The following UNC5C variants were observed in gnomAD, a reference collection of about 807,000 sequenced individuals.
The protein encoded by UNC5C is netrin receptor UNC5C.
UNC5C carries 47 observed loss-of-function variants against 99.8 expected under a neutral mutation model. The ratio of observed to expected loss-of-function variants is 0.47; its 90% CI spans 0.37 to 0.60. UNC5C has a LOEUF of 0.60. UNC5C is among the 20% of genes least tolerant of loss of function. The pLI is 0.00. For synonymous variants in UNC5C, 487 were observed against 452.2 expected (o/e 1.08, Z -0.98); for missense variants, 1,062 against 1,165.9 (o/e 0.91, Z 1.30).
intron 5 of UNC5C, 66 bp from the exon 6 acceptor site, chr4:95,245,210 C>T: frequency 6.9e-7 from 1 of 1,454,032 alleles, no homozygotes; most frequent in Non-Finnish European, 9.2e-7. Flanking sequence ...CATGGACACA[C>T]AAAACAGACA....
chr4:95,543,695 T>A (rs1231456472), intron 1 of UNC5C, among the ~76,000 whole-genome samples: 1 of 152,218 alleles, frequency 6.6e-6, no homozygotes, highest in Non-Finnish European at 1.5e-5. Flanking sequence ...TGTAATAGTG[T>A]TCATGGATTT....
chr4:95,241,368 A>T (rs151103831), intron 7 of UNC5C, among the ~76,000 whole-genome samples: 4 of 152,228 alleles, frequency 2.6e-5, no homozygotes, highest in Admixed American at 2.0e-4. Context: ...TGTGAGCAAC[A>T]TAATTGTTTA....
At chr4:95,170,093 G>A (rs1736027924) in intron 15 of UNC5C, 61 bp downstream of exon 15, 3 of 1,560,112 alleles carry the variant, frequency 1.9e-6, no homozygotes, top group Non-Finnish European at 2.6e-6. Flanking sequence ...ACGTCTAATA[G>A]TTATCGGTCC....
chr4:95,168,133 A>T lies in UNC5C; in HGVS notation c.*1101T>A, dbSNP rs1330457839. The T allele has an allele frequency of 6.6e-6, 1 of 152,248 alleles. No homozygotes were observed. The highest frequency in any genetic ancestry group is 1.5e-5 in the Non-Finnish European group (1 of 68,058). The allele number at this position is 152,248 out of a possible 1,614,324, so 9.4% of individuals were successfully genotyped here. A position where few individuals can be genotyped will look rare whatever the true frequency, so the allele number is the denominator to read the frequency against. ...ACAACGGCAATATTAAGTGAACTTA[A>T]TAGAGAACACGTCTCCTTAAGACTC... On this transcript the variant is annotated 3_prime_UTR_variant, in exon 16 of 16. Coordinates refer to ENST00000453304, the MANE Select transcript of UNC5C (RefSeq NM_003728.4).
chr4:95,301,578 C>T (rs1741879805), intron 3 of UNC5C, 28 bp downstream of exon 3: 9 of 1,613,066 alleles, frequency 5.6e-6, no homozygotes, highest in Admixed American at 3.3e-5. Flanking sequence ...CTTCTGAGAC[C>T]CAAGGTGCTT....
At chr4:95,516,912 A>C (rs1310999042) in intron 1 of UNC5C, among the ~76,000 whole-genome samples, 2 of 152,096 alleles carry the variant, frequency 1.3e-5, no homozygotes, top group Non-Finnish European at 2.9e-5. Flanking sequence ...ATACACATGG[A>C]GAGCACTACG....
chr4:95,498,854 A>G (rs1464760113), intron 1 of UNC5C, among the ~76,000 whole-genome samples: 1 of 152,038 alleles, frequency 6.6e-6, no homozygotes, highest in Non-Finnish European at 1.5e-5. Context: ...TATAATCGCT[A>G]TTTCAACTAC....
chr4:95,326,391 A>G (rs988687861), intron 2 of UNC5C, among the ~76,000 whole-genome samples: 1 of 151,348 alleles, frequency 6.6e-6, no homozygotes, highest in African/African-American at 2.4e-5. Flanking sequence ...CTTAGGTACC[A>G]TGGAAACAAG....
chr4:95,410,287 G>T (rs1038587249), intron 1 of UNC5C, among the ~76,000 whole-genome samples: 1 of 151,986 alleles, frequency 6.6e-6, no homozygotes, highest in Admixed American at 6.6e-5. Flanking sequence ...TAATGTCCCT[G>T]TACCACTCTA....
rs189129987 is a variant in UNC5C at position 95,449,959 on chromosome 4, G to A, written c.124+98775C>T. 2.0e-3 allele frequency among the ~76,000 whole-genome samples: 298 copies of A among 152,196 alleles called. 2 individuals carry two copies. In the Middle Eastern group the frequency reaches 0.027, roughly 14 times the overall value. On this transcript the variant is annotated intron_variant, in intron 1 of 15. Coordinates refer to ENST00000453304, the MANE Select transcript of UNC5C (RefSeq NM_003728.4). ...CAGACTGCAGTGGAAAATCTGGCCC[G>A]TACCCAAGTTTCTTGTTACTGTCAG...
intron 3 of UNC5C, among the ~76,000 whole-genome samples, chr4:95,282,133 T>C (rs888440534): frequency 2.0e-5 from 3 of 151,356 alleles, no homozygotes; most frequent in Admixed American, 1.3e-4. Context: ...GACTGCAGCA[T>C]AAAAAAAAGA....
At chr4:95,523,684 A>C (rs1722421783) in intron 1 of UNC5C, among the ~76,000 whole-genome samples, 2 of 152,226 alleles carry the variant, frequency 1.3e-5, no homozygotes, top group South Asian at 4.1e-4. Flanking sequence ...CAAGATAATT[A>C]ATAACAAAAT....
chr4:95,259,536 T>C (rs990595901), intron 4 of UNC5C, among the ~76,000 whole-genome samples: 6 of 152,188 alleles, frequency 3.9e-5, no homozygotes, highest in African/African-American at 1.4e-4. Flanking sequence ...ATGTAAGTAA[T>C]TGAGTATTAA....
chr4:95,472,586 C>G (rs2149474894), intron 1 of UNC5C, among the ~76,000 whole-genome samples: 1 of 152,244 alleles, frequency 6.6e-6, no homozygotes, highest in African/African-American at 2.4e-5. Flanking sequence ...TTTGCAGCCT[C>G]ATTTCACTGA....
intron 1 of UNC5C, among the ~76,000 whole-genome samples, chr4:95,440,435 T>G (rs1157539051): frequency 6.6e-6 from 1 of 152,156 alleles, no homozygotes; most frequent in Non-Finnish European, 1.5e-5. Flanking sequence ...CAATTTAGTA[T>G]CATATACCAT....
chr4:95,404,435 T>C (rs1745780376), intron 1 of UNC5C, among the ~76,000 whole-genome samples: 1 of 152,176 alleles, frequency 6.6e-6, no homozygotes, highest in Admixed American at 6.5e-5. Flanking sequence ...CATAATGATA[T>C]GCAATGAAGA....
intron 14 of UNC5C, among the ~76,000 whole-genome samples, chr4:95,171,628 C>T (rs1460098917): frequency 2.0e-5 from 3 of 151,934 alleles, no homozygotes; most frequent in Admixed American, 6.6e-5. Context: ...TTTCTTAATC[C>T]AGTCTATCAT....
At chr4:95,418,876 C>T (rs1458902578) in intron 1 of UNC5C, among the ~76,000 whole-genome samples, 1 of 152,128 alleles carries the variant, frequency 6.6e-6, no homozygotes, top group Non-Finnish European at 1.5e-5. Context: ...CTAGGACGAA[C>T]TCCATTCCTC....
chr4:95,499,222 G>A (rs1721708001), intron 1 of UNC5C, among the ~76,000 whole-genome samples: 1 of 152,040 alleles, frequency 6.6e-6, no homozygotes. Context: ...GATATAATAG[G>A]TGGAGGTTTA....
Sources: allele counts gnomAD v4.1 joint callset (sites outside exome capture counted in the v4.1 genomes callset), GRCh38; gene constraint gnomAD v4.1.1; transcripts MANE v1.5; gene names NCBI Gene and HGNC (gene_info 2026-07-23, HGNC 2026-07-21).